The following RICTOR variants were observed in gnomAD, a reference collection of about 807,000 sequenced individuals.
The protein encoded by RICTOR is rapamycin-insensitive companion of mTOR.
In RICTOR, 49 loss-of-function variants were observed where a neutral mutation model predicts 214.9. The observed-to-expected ratio is 0.23, with a 90% CI of 0.18 to 0.29. RICTOR has a LOEUF of 0.29. RICTOR is among the 10% of genes least tolerant of loss of function. The pLI is 1.00. For missense variants in RICTOR, 1,625 were observed against 2,047.0 expected (o/e 0.79, Z 3.98); for synonymous variants, 717 against 711.3 (o/e 1.01, Z -0.13).
At chr5:39,029,970 G>C (rs1008311853) in intron 2 of RICTOR, among the ~76,000 whole-genome samples, 5 of 152,106 alleles carry the variant, frequency 3.3e-5, no homozygotes, top group Non-Finnish European at 7.4e-5. Context: ...TATTATATGA[G>C]GGTTTTAGTA....
chr5:38,947,561 G>C (rs1046756918), intron 31 of RICTOR, 120 bp from the exon 32 acceptor site: 2 of 687,630 alleles, frequency 2.9e-6, no homozygotes, highest in Admixed American at 2.9e-5. Flanking sequence ...GTATTAAGCA[G>C]TGTCATCTTG....
chr5:38,965,677 C>A (rs1750153764), intron 15 of RICTOR, among the ~76,000 whole-genome samples: 1 of 151,312 alleles, frequency 6.6e-6, no homozygotes, highest in South Asian at 2.1e-4. Flanking sequence ...CACAGATGGG[C>A]CAAAAAAGAA....
intron 21 of RICTOR, 76 bp downstream of exon 21, chr5:38,959,703 T>TA: frequency 1.1e-6 from 1 of 942,102 alleles, no homozygotes; most frequent in Non-Finnish European, 1.7e-6. Flanking sequence ...GTACACAGAA[T>TA]AAAAAGCATA....
At chr5:38,964,601 A>G (rs2150027257) in intron 16 of RICTOR, among the ~76,000 whole-genome samples, 191 bp downstream of exon 16, 1 of 152,034 alleles carries the variant, frequency 6.6e-6, no homozygotes, top group Admixed American at 6.6e-5. Context: ...TTATTACACT[A>G]TTAGTATTTT....
intron 3 of RICTOR, among the ~76,000 whole-genome samples, chr5:39,016,551 C>A (rs1006668306): frequency 4.0e-5 from 6 of 151,416 alleles, no homozygotes; most frequent in African/African-American, 1.5e-4. Flanking sequence ...CAACAGAAAA[C>A]AAGGAAACTG....
Position 38,968,046 on chromosome 5 carries a change from A to C in RICTOR, c.973-16T>G, listed in dbSNP as rs984742611. ...GTAGACCTCGCTAAATTAGCAAACA[A>C]ATACACCTCATTTATTTTTATGAAA... On this transcript the variant is annotated splice_polypyrimidine_tract_variant and intron_variant, in intron 11 of 37. Transcript: ENST00000357387. The C allele has an allele frequency of 7.4e-7, 1 of 1,343,830 alleles. No individual in the cohort carries two copies. Among genetic ancestry groups the C allele is most frequent in the Non-Finnish European group, 1.1e-6 (1 of 937,336 alleles). The allele number at this position is 1,343,830 out of a possible 1,614,324, so 83.2% of individuals were successfully genotyped here. A position where few individuals can be genotyped will look rare whatever the true frequency, so the allele number is the denominator to read the frequency against.
At chr5:39,037,088 G>A (rs1756769918) in intron 2 of RICTOR, among the ~76,000 whole-genome samples, 1 of 152,166 alleles carries the variant, frequency 6.6e-6, no homozygotes, top group Non-Finnish European at 1.5e-5. Flanking sequence ...CTCAGGAAAT[G>A]TAAAAGGACA....
intron 8 of RICTOR, 138 bp from the exon 9 acceptor site, chr5:38,978,788 A>T: frequency 2.0e-6 from 1 of 492,738 alleles, no homozygotes; most frequent in Admixed American, 3.7e-5. Flanking sequence ...CTAACTCATC[A>T]TCAGGGAATA....
In RICTOR at chr5:38,940,144, A is replaced by C. The variant is rs11555957; in HGVS notation, c.*2160T>G. On this transcript the variant is annotated 3_prime_UTR_variant, in exon 38 of 38. Transcript: ENST00000357387. ...CAAAGTAACAGTAAAAAAAAAAAAC[A>C]AAAAAAAAAACACAAAACATTCAGG... The C allele has an allele frequency of 0.47, 67,510 of 142,620 alleles. 8,876 individuals are homozygous for C. The highest frequency in any genetic ancestry group is 0.5 in the African/African-American group (11,646 of 23,162). 8.8% of individuals were successfully genotyped at this position (142,620 alleles called of 1,614,324 possible).
rs763726355 is a variant in RICTOR, at chr5:38,953,456, C to T, written c.2790+5G>A. The T allele has an allele frequency of 7.3e-7, 1 of 1,371,630 alleles. No individual in the cohort carries two copies. Among genetic ancestry groups the T allele is most frequent in the South Asian group, 1.5e-5 (1 of 65,836 alleles). 85.0% of individuals were successfully genotyped at this position (1,371,630 alleles called of 1,614,324 possible). On this transcript the variant is annotated splice_donor_5th_base_variant and intron_variant, in intron 28 of 37. Coordinates refer to ENST00000357387, the MANE Select transcript of RICTOR (RefSeq NM_152756.5). ...GAAGATCTTACAGAAGTGTTTATTA[C>T]AAACCAAGGCCCAAAGAGATGCTTT...
chr5:38,944,609 C>A, intron 35 of RICTOR, 40 bp from the exon 36 acceptor site: 1 of 1,509,616 alleles, frequency 6.6e-7, no homozygotes, highest in South Asian at 1.2e-5. Flanking sequence ...TTATCTATGT[C>A]ACAATAAAAT....
chr5:39,068,243 T>A (rs1759039394), intron 2 of RICTOR, among the ~76,000 whole-genome samples: 1 of 152,218 alleles, frequency 6.6e-6, no homozygotes, highest in African/African-American at 2.4e-5. Flanking sequence ...AATATTAAAC[T>A]ACATGCCATG....
At chr5:38,982,667 T>C (rs1401024209) in intron 7 of RICTOR, among the ~76,000 whole-genome samples, 2 of 152,112 alleles carry the variant, frequency 1.3e-5, no homozygotes, top group East Asian at 1.9e-4. Context: ...TTGTACTTTA[T>C]GATACATTAA....
chr5:38,942,785 C>A (rs74451462), intron 37 of RICTOR, 48 bp downstream of exon 37: 32,945 of 1,434,792 alleles, frequency 0.023, 690 homozygotes, highest in South Asian at 0.082. Flanking sequence ...AATTCAAACA[C>A]AGAATTATTC....
At chr5:39,056,450 G>A (rs1387842571) in intron 2 of RICTOR, among the ~76,000 whole-genome samples, 1 of 151,972 alleles carries the variant, frequency 6.6e-6, no homozygotes, top group Non-Finnish European at 1.5e-5. Flanking sequence ...CCTGGGCAAC[G>A]TGGCAGAACC....
At chr5:39,006,622 C>A (rs1023274043) in intron 3 of RICTOR, among the ~76,000 whole-genome samples, 1 of 150,770 alleles carries the variant, frequency 6.6e-6, no homozygotes, top group Non-Finnish European at 1.5e-5. Flanking sequence ...AGTTCACTAC[C>A]CTATTGGTAG....
chr5:38,951,274 C>T (rs957345974), intron 30 of RICTOR, among the ~76,000 whole-genome samples: 4 of 152,060 alleles, frequency 2.6e-5, no homozygotes, highest in South Asian at 2.1e-4. Flanking sequence ...TACTAGAAGA[C>T]GCAACCCAAG....
In RICTOR at chr5:39,069,953, A is replaced by G. The variant is rs148968615; in HGVS notation, c.97+4158T>C. ...TACTATTGGGTTACCTCTGTTTCCT[A>G]TATAGTTTGATTACTTAATTTATTT... On this transcript the variant is annotated intron_variant, in intron 2 of 37. Coordinates refer to ENST00000357387, the MANE Select transcript of RICTOR (RefSeq NM_152756.5). Among the ~76,000 whole-genome samples the G allele has an allele frequency of 2.6e-5, 4 of 152,222 alleles. No homozygotes were observed. The East Asian group carries it at 7.7e-4, about 29-fold the overall frequency.
chr5:39,014,979 T>C (rs1416963191), intron 3 of RICTOR, among the ~76,000 whole-genome samples: 2 of 152,158 alleles, frequency 1.3e-5, no homozygotes, highest in East Asian at 1.9e-4. Flanking sequence ...CAATCTAATA[T>C]AATACCATTA....
Sources: gnomAD v4.1 joint callset for allele counts (sites outside exome capture counted in the v4.1 genomes callset) on GRCh38, gnomAD v4.1.1 for gene constraint, MANE v1.5 for transcripts, NCBI Gene and HGNC (gene_info 2026-07-23, HGNC 2026-07-21) for gene names.